Variants in SHTN1 observed in about 807,000 individuals in gnomAD.
The protein encoded by SHTN1 is shootin-1.
Under a neutral mutation model 83.1 loss-of-function variants are expected in SHTN1, and 42 were observed. The observed-to-expected ratio is 0.51, with a 90% CI of 0.39 to 0.65. The LOEUF (loss-of-function observed/expected upper bound fraction) is 0.65. Ranked by LOEUF, SHTN1 falls within the 30% of genes least tolerant of loss-of-function variation. The pLI, the probability that SHTN1 is intolerant of heterozygous loss-of-function variation, is 0.00. For missense variants in SHTN1, 622 were observed against 737.8 expected (o/e 0.84, Z 1.82); for synonymous variants, 224 against 247.7 (o/e 0.90, Z 0.90).
At chr10:116,994,678 T>C (rs1407058813) in intron 1 of SHTN1, among the ~76,000 whole-genome samples, 2 of 152,154 alleles carry the variant, frequency 1.3e-5, no homozygotes, top group Non-Finnish European at 2.9e-5. Flanking sequence ...TTGAAGCCTT[T>C]ATCAGTCTGA....
intron 16 of SHTN1, chr10:116,900,994 A>C (rs917042341): frequency 1.3e-5 from 13 of 985,320 alleles, no homozygotes; most frequent in Non-Finnish European, 1.4e-5. Context: ...AGAGTTACAA[A>C]AAAGGGGTTC....
At chr10:117,100,764 G>A (rs1188166500) in intron 1 of SHTN1, among the ~76,000 whole-genome samples, 1 of 152,192 alleles carries the variant, frequency 6.6e-6, no homozygotes, top group Non-Finnish European at 1.5e-5. Context: ...AATGATACCT[G>A]AGCTGAAGTC....
At chr10:117,107,302 A>G (rs1853684684) in intron 1 of SHTN1, among the ~76,000 whole-genome samples, 1 of 152,130 alleles carries the variant, frequency 6.6e-6, no homozygotes, top group Non-Finnish European at 1.5e-5. Flanking sequence ...GTGTGACTCT[A>G]AAGAGCAGGA....
In SHTN1 at chr10:116,885,210, T is replaced by C. The variant is rs1847128897; in HGVS notation, c.*1134A>G. 6.6e-6 allele frequency: 1 copy of C among 152,648 alleles called. No homozygotes were observed. Among genetic ancestry groups the C allele is most frequent in the Non-Finnish European group, 1.5e-5 (1 of 68,048 alleles). The allele number at this position is 152,648 out of a possible 1,614,324, so 9.5% of individuals were successfully genotyped here. A position where few individuals can be genotyped will look rare whatever the true frequency, so the allele number is the denominator to read the frequency against. On this transcript the variant is annotated 3_prime_UTR_variant, in exon 17 of 17. Transcript: ENST00000355371. ...CACCTGACAGCTACATGCTGAGCCATGCTAACAAAACTAAACCTTTCACTT... is the reference window on the plus strand; with the variant it reads ...CACCTGACAGCTACATGCTGAGCCACGCTAACAAAACTAAACCTTTCACTT...
intron 1 of SHTN1, among the ~76,000 whole-genome samples, chr10:116,989,069 TAA>T (rs953247071): frequency 6.6e-6 from 1 of 150,908 alleles, no homozygotes; most frequent in African/African-American, 2.4e-5. Flanking sequence ...TTATGTCAGT[TAA>T]AAAAAAACAG....
At chr10:117,005,775 C>A (rs1010021912), upstream of SHTN1, among the ~76,000 whole-genome samples, 2 of 152,202 alleles carry the variant, frequency 1.3e-5, no homozygotes, top group Non-Finnish European at 2.9e-5. Context: ...GCTAGCTTTC[C>A]CCCATCGCAC....
chr10:117,121,124 T>A (rs1177279164), intron 1 of SHTN1, among the ~76,000 whole-genome samples: 2 of 152,150 alleles, frequency 1.3e-5, no homozygotes, highest in Admixed American at 6.6e-5. Context: ...ATTATATAAA[T>A]GTATTAAATT....
Position 116,954,191 on chromosome 10 carries a change from G to C in SHTN1, c.287C>G (p.Thr96Arg). The change falls in exon 5 of 17, where the codon ACG becomes AGG. Residue 96 changes from threonine (T) to arginine (R), a missense_variant. This residue lies in a region of SHTN1 where 383 missense variants were observed against 455.8 expected (regional missense o/e 0.84). Coordinates refer to ENST00000355371, the MANE Select transcript of SHTN1 (RefSeq NM_001127211.3). ...GTACAACATGCTGATTCTTTTCAAC[G>C]TTTTATTTTCTTTATTTAGCTAAGA... Reference protein sequence around the residue: ...LATKLNKENKTLKRISMLYMA... With the variant: ...LATKLNKENKRLKRISMLYMA... 1 of 1,604,734 alleles carries C rather than the reference G, an allele frequency of 6.2e-7. No individual in the cohort carries two copies. The highest frequency in any genetic ancestry group is 8.5e-7 in the Non-Finnish European group (1 of 1,176,418).
intron 9 of SHTN1, among the ~76,000 whole-genome samples, chr10:116,936,146 T>C (rs532826745): frequency 6.6e-6 from 1 of 151,998 alleles, no homozygotes; most frequent in Admixed American, 6.6e-5. Flanking sequence ...TTTTGAAGGA[T>C]TTTTTTTGTG....
chr10:116,889,998 G>A (rs773006314), intron 16 of SHTN1, among the ~76,000 whole-genome samples: 41 of 152,234 alleles, frequency 2.7e-4, no homozygotes, highest in Non-Finnish European at 5.4e-4. Flanking sequence ...TATGGGAAGA[G>A]CCACAGAGCC....
chr10:117,108,488 A>G (rs2133636513), intron 1 of SHTN1, among the ~76,000 whole-genome samples: 1 of 146,028 alleles, frequency 6.8e-6, no homozygotes, highest in African/African-American at 2.5e-5. Flanking sequence ...GTTCTCACTC[A>G]TAGGTGGGAA....
At chr10:117,096,584 T>C (rs1335003516) in intron 1 of SHTN1, among the ~76,000 whole-genome samples, 1 of 152,248 alleles carries the variant, frequency 6.6e-6, no homozygotes, top group East Asian at 1.9e-4. Flanking sequence ...TGTTAGATAC[T>C]TCTGAACACT....
intron 16 of SHTN1, chr10:116,900,772 A>C: frequency 1.0e-6 from 1 of 985,006 alleles, no homozygotes; most frequent in Non-Finnish European, 1.2e-6. Flanking sequence ...AAGGAAACAC[A>C]TGACTACAGG....
In SHTN1 at chr10:116,906,691, G is replaced by A. The variant is rs1847983788; in HGVS notation, c.1416C>T (p.Asn472=). The A allele has an allele frequency of 1.2e-6, 2 of 1,613,414 alleles. No homozygotes were observed. Among genetic ancestry groups the A allele is most frequent in the African/African-American group, 2.7e-5 (2 of 75,022 alleles). The change falls in exon 15 of 17, where the codon AAC becomes AAT. Residue 472 remains asparagine (N), a synonymous_variant. Transcript: ENST00000355371. ...AAATCCTTTCTAACTCAGTTTCACT[G>A]TTTTCAGGGTCAAGGGATTTTAAGC... ...SRSLKSLDPE[N]SETELERILR...
rs541828429 is a variant in SHTN1 at position 117,099,995 on chromosome 10, T to C, written c.-189+26312A>G. Among the ~76,000 whole-genome samples the C allele has an allele frequency of 4.3e-4, 65 of 151,980 alleles. 2 individuals are homozygous for C. In the East Asian group the frequency reaches 8.3e-3, roughly 19 times the overall value. On this transcript the variant is annotated intron_variant, in intron 1 of 17. Coordinates refer to the SHTN1 transcript ENST00000392901. Reference sequence around the variant, plus strand: ...GAGTTCGAGACCAGCCTGACCAACATGGAGAAACCCCGTCTCTACTAAAAA... The same window carrying C: ...GAGTTCGAGACCAGCCTGACCAACACGGAGAAACCCCGTCTCTACTAAAAA...
intron 1 of SHTN1, among the ~76,000 whole-genome samples, chr10:117,084,677 G>A (rs1398230875): frequency 6.6e-6 from 1 of 152,020 alleles, no homozygotes; most frequent in African/African-American, 2.4e-5. Flanking sequence ...TGCTGTGCTA[G>A]CAATCAGCGA....
At chr10:117,120,130 T>A (rs1201060471) in intron 1 of SHTN1, among the ~76,000 whole-genome samples, 1 of 151,852 alleles carries the variant, frequency 6.6e-6, no homozygotes, top group Non-Finnish European at 1.5e-5. Flanking sequence ...CACAACAGAG[T>A]GACTATAGTA....
intron 1 of SHTN1, among the ~76,000 whole-genome samples, chr10:117,097,005 A>ACG (rs1199045774): frequency 4.8e-5 from 7 of 147,262 alleles, no homozygotes; most frequent in African/African-American, 1.0e-4. Flanking sequence ...CCAAGCGCGC[A>ACG]CGCGCGCGCA....
chr10:117,008,906 G>A (rs997457262), upstream of SHTN1, among the ~76,000 whole-genome samples: 7 of 152,180 alleles, frequency 4.6e-5, no homozygotes, highest in African/African-American at 1.7e-4. Context: ...CGGAGGTCAG[G>A]AGTTTGAGAC....
Sources: allele counts gnomAD v4.1 joint callset (sites outside exome capture counted in the v4.1 genomes callset), GRCh38; gene constraint gnomAD v4.1.1; regional missense constraint gnomAD v4.1.1; transcripts MANE v1.5; gene names NCBI Gene and HGNC (gene_info 2026-07-23, HGNC 2026-07-21).